The following GLIS3 variants were observed in gnomAD, a reference collection of about 807,000 sequenced individuals.
GLIS3 encodes zinc finger protein GLIS3.
In GLIS3, 53 loss-of-function variants were observed where a neutral mutation model predicts 78.6. The ratio of observed to expected loss-of-function variants is 0.67; its 90% confidence interval spans 0.54 to 0.85. The LOEUF (loss-of-function observed/expected upper bound fraction) is 0.85. Ranked by LOEUF, GLIS3 falls within the 40% of genes least tolerant of loss-of-function variation. The pLI, the probability that GLIS3 is intolerant of heterozygous loss-of-function variation, is 0.00. For missense variants in GLIS3, 1,703 were observed against 1,231.1 expected, an observed-to-expected ratio of 1.38 and a Z score of -5.74; for synonymous variants, 684 against 509.9, an observed-to-expected ratio of 1.34 and a Z score of -4.60.
intron 4 of GLIS3, among the ~76,000 whole-genome samples, chr9:4,068,571 G>A (rs1006367604): frequency 2.6e-5 from 4 of 152,080 alleles, no homozygotes; most frequent in Non-Finnish European, 5.9e-5. Flanking sequence ...AGTATAACCT[G>A]TATAATCAGA....
intron 2 of GLIS3, among the ~76,000 whole-genome samples, chr9:4,240,965 G>A (rs1414468982): frequency 6.6e-6 from 1 of 152,128 alleles, no homozygotes; most frequent in Non-Finnish European, 1.5e-5. Context: ...GTGTGTGTGT[G>A]TGTGTGTACG....
At chr9:4,326,833 C>G (rs1245787305) in intron 2 of GLIS3, among the ~76,000 whole-genome samples, 2 of 152,186 alleles carry the variant, frequency 1.3e-5, no homozygotes, top group Non-Finnish European at 2.9e-5. Flanking sequence ...TTTGGAAGAA[C>G]AAGTACATAA....
At chr9:4,433,691 A>C in the GLIS3 span, among the ~76,000 whole-genome samples, 1 of 152,234 alleles carries the variant, frequency 6.6e-6, no homozygotes, top group South Asian at 2.1e-4. Context: ...AAGTGATGCA[A>C]ACCTGTTGGG....
At chr9:3,970,480 T>C (rs1386178424) in intron 4 of GLIS3, among the ~76,000 whole-genome samples, 1 of 152,184 alleles carries the variant, frequency 6.6e-6, no homozygotes, top group Non-Finnish European at 1.5e-5. Flanking sequence ...TTTTATTTTG[T>C]CAACCTAAAA....
intron 2 of GLIS3, among the ~76,000 whole-genome samples, chr9:4,284,954 T>C (rs1464577927): frequency 8.7e-6 from 1 of 114,474 alleles, no homozygotes; most frequent in Non-Finnish European, 1.8e-5. Flanking sequence ...CATGTATGTT[T>C]AGTGCTATTT....
At chr9:4,023,767 G>A (rs939711990) in intron 4 of GLIS3, among the ~76,000 whole-genome samples, 1 of 152,182 alleles carries the variant, frequency 6.6e-6, no homozygotes, top group African/African-American at 2.4e-5. Context: ...CCTTCCTGTT[G>A]CAATGAGACA....
intron 2 of GLIS3, among the ~76,000 whole-genome samples, chr9:4,341,927 C>T (rs1327288417): frequency 2.0e-5 from 3 of 152,154 alleles, no homozygotes; most frequent in African/African-American, 7.2e-5. Flanking sequence ...ATGTCCTTTG[C>T]CCATCTTTTA....
At chr9:4,329,602 C>T (rs993990021) in intron 2 of GLIS3, among the ~76,000 whole-genome samples, 3 of 152,036 alleles carry the variant, frequency 2.0e-5, no homozygotes, top group African/African-American at 7.2e-5. Flanking sequence ...CAGCACAACC[C>T]CACCCTCTAT....
chr9:3,952,442 C>T (rs1435812096), intron 4 of GLIS3, among the ~76,000 whole-genome samples: 1 of 152,156 alleles, frequency 6.6e-6, no homozygotes, highest in Non-Finnish European at 1.5e-5. Flanking sequence ...TCTTTGCACA[C>T]TGTATTTTTC....
chr9:3,937,589 T>G (rs1369027524), intron 4 of GLIS3, among the ~76,000 whole-genome samples: 1 of 151,970 alleles, frequency 6.6e-6, no homozygotes, highest in African/African-American at 2.4e-5. Context: ...TTCTGACAAC[T>G]AATAAACTAA....
At chr9:4,135,732 T>A (rs1014357357) in intron 2 of GLIS3, among the ~76,000 whole-genome samples, 2 of 152,134 alleles carry the variant, frequency 1.3e-5, no homozygotes, top group African/African-American at 4.8e-5. Flanking sequence ...ATGAAAGAAC[T>A]TTGAAAAGTA....
chr9:4,049,067 G>A (rs967274923), intron 4 of GLIS3, among the ~76,000 whole-genome samples: 1 of 152,178 alleles, frequency 6.6e-6, no homozygotes, highest in Non-Finnish European at 1.5e-5. Context: ...CCAAATAGCA[G>A]TTCAGACACA....
chr9:3,898,676 C>T lies in GLIS3; in HGVS notation c.2128+15G>A. The T allele has an allele frequency of 6.2e-7, 1 of 1,614,024 alleles. No individual in the cohort carries two copies. Among genetic ancestry groups the T allele is most frequent in the Non-Finnish European group, 8.5e-7 (1 of 1,179,996 alleles). ...AAAGGGTAGTTGTGGTTGGCTCTGCCTTTGCTGTCTTTACCTGAATAGAGG... is the reference window on the plus strand; with the variant it reads ...AAAGGGTAGTTGTGGTTGGCTCTGCTTTTGCTGTCTTTACCTGAATAGAGG... On this transcript the variant is annotated intron_variant, in intron 7 of 10. Coordinates refer to ENST00000381971, the MANE Select transcript of GLIS3 (RefSeq NM_001042413.2).
chr9:4,090,604 C>T (rs1283822235), intron 4 of GLIS3, among the ~76,000 whole-genome samples: 1 of 152,174 alleles, frequency 6.6e-6, no homozygotes, highest in Non-Finnish European at 1.5e-5. Flanking sequence ...TGGAAACGCT[C>T]AGGGTGGCAT....
At chr9:4,127,014 T>G (rs1245457637) in intron 2 of GLIS3, among the ~76,000 whole-genome samples, 2 of 152,194 alleles carry the variant, frequency 1.3e-5, no homozygotes, top group African/African-American at 4.8e-5. Flanking sequence ...ATTAAATCAA[T>G]AGCCCAAAAG....
chr9:4,092,071 C>T (rs956830708), intron 4 of GLIS3, among the ~76,000 whole-genome samples: 1 of 152,038 alleles, frequency 6.6e-6, no homozygotes, highest in African/African-American at 2.4e-5. Flanking sequence ...TTTACAAATA[C>T]TGTACACTTA....
At chr9:4,290,669 C>G (rs889111238) in intron 1 of GLIS3, among the ~76,000 whole-genome samples, 1 of 152,100 alleles carries the variant, frequency 6.6e-6, no homozygotes, top group Non-Finnish European at 1.5e-5. Flanking sequence ...AGCAGAATGT[C>G]CCTTGTCCTA....
chr9:4,229,669 A>T (rs1443734665), intron 2 of GLIS3, among the ~76,000 whole-genome samples: 7 of 152,248 alleles, frequency 4.6e-5, no homozygotes, highest in Non-Finnish European at 1.5e-5. Context: ...CTTTGATATA[A>T]AAAGGTTTTT....
At chr9:4,309,718 CTCAT>C (rs778780174) in intron 3 of GLIS3, among the ~76,000 whole-genome samples, 2 of 152,076 alleles carry the variant, frequency 1.3e-5, no homozygotes, top group Non-Finnish European at 2.9e-5. Context: ...TTTATTTACT[CTCAT>C]TTATTTTTTA....
Sources: allele counts gnomAD v4.1 joint callset (sites outside exome capture counted in the v4.1 genomes callset), GRCh38; gene constraint gnomAD v4.1.1; transcripts MANE v1.5; gene names NCBI Gene and HGNC (gene_info 2026-07-23, HGNC 2026-07-21).